The following RPS6KL1 variants were observed in gnomAD, a reference collection of about 807,000 sequenced individuals.
The protein encoded by RPS6KL1 is ribosomal protein S6 kinase-like 1.
Under a neutral mutation model 57.0 loss-of-function variants are expected in RPS6KL1, and 41 were observed. The observed-to-expected ratio is 0.72, with a 90% CI of 0.56 to 0.93. The LOEUF (loss-of-function observed/expected upper bound fraction) is 0.93. Among genes scored for constraint, RPS6KL1 ranks in the 40% least tolerant of loss-of-function variants. The probability of loss-of-function intolerance (pLI) is 0.00; values close to 1 mark genes in which losing one functional copy is unlikely to be tolerated. For synonymous variants in RPS6KL1, 287 were observed against 309.7 expected, an observed-to-expected ratio of 0.93 and a Z score of 0.77; for missense variants, 697 against 727.7, an observed-to-expected ratio of 0.96 and a Z score of 0.49.
Position 74,910,129 on chromosome 14 carries a change from G to A in RPS6KL1, c.684C>T (p.His228=), listed in dbSNP as rs756872442. 5 of 1,554,512 alleles carry A rather than the reference G, an allele frequency of 3.2e-6. No homozygotes were observed. Among genetic ancestry groups the A allele is most frequent in the African/African-American group, 1.4e-5 (1 of 73,946 alleles). ...GTCGGGAGTGCGCCTGGGAGAGCAGGTGGGACCAGAGAGTGCCTCCTGGGC... is the reference window on the plus strand; with the variant it reads ...GTCGGGAGTGCGCCTGGGAGAGCAGATGGGACCAGAGAGTGCCTCCTGGGC... ...EHVQGGTLWS[H]LLSQAHSRHS... Residue 228 remains histidine (H), a synonymous_variant, in exon 8 of 12, where the codon CAC becomes CAT. Coordinates refer to ENST00000557413, the MANE Select transcript of RPS6KL1 (RefSeq NM_031464.5).
At position 74,906,567 on chromosome 14, in the gene RPS6KL1, T is replaced by C. The variant is rs777654167; in HGVS notation, c.*447A>G. On this transcript the variant is annotated 3_prime_UTR_variant, in exon 12 of 12. Coordinates refer to ENST00000557413, the MANE Select transcript of RPS6KL1 (RefSeq NM_031464.5). ...AAGAGGACTAGCCAGGACAGTCTGG[T>C]TTGGGTCCACTGAGCCAGTGGATCA... 2.1e-5 allele frequency: 11 copies of C among 528,400 alleles called. No individual in the cohort carries two copies. Among genetic ancestry groups the C allele is most frequent in the Non-Finnish European group, 3.9e-5 (10 of 257,746 alleles). The allele number at this position is 528,400 out of a possible 1,614,324, so 32.7% of individuals were successfully genotyped here.
intron 4 of RPS6KL1, among the ~76,000 whole-genome samples, chr14:74,918,977 A>C (rs1326216350): frequency 6.6e-6 from 1 of 152,232 alleles, no homozygotes; most frequent in African/African-American, 2.4e-5. Context: ...GGAGTTTGAG[A>C]TCAGCCTGGC....
At chr14:74,908,617 G>A (rs1885324081) in intron 10 of RPS6KL1, among the ~76,000 whole-genome samples, 1 of 152,150 alleles carries the variant, frequency 6.6e-6, no homozygotes, top group East Asian at 1.9e-4. Flanking sequence ...AGGCTCTCTG[G>A]CAGAAACCTT....
In RPS6KL1 at chr14:74,906,810, C is replaced by T; in HGVS notation, c.*204G>A. ...TTAGCAGGGCAAGCCTTGACTGCCC[C>T]CACCTCCAGCTTTTCCAGGAGCTGG... On this transcript the variant is annotated 3_prime_UTR_variant, in exon 12 of 12. Coordinates refer to ENST00000557413, the MANE Select transcript of RPS6KL1 (RefSeq NM_031464.5). 1.4e-6 allele frequency: 1 copy of T among 712,596 alleles called. No individual in the cohort carries two copies. Among genetic ancestry groups the T allele is most frequent in the Non-Finnish European group, 2.6e-6 (1 of 387,016 alleles). 44.1% of individuals were successfully genotyped at this position (712,596 alleles called of 1,614,324 possible).
At chr14:74,910,870 CTTTTT>C (rs5809683) in intron 7 of RPS6KL1, 65 of 155,716 alleles carry the variant, frequency 4.2e-4, no homozygotes, top group South Asian at 1.0e-3. Flanking sequence ...CAGGGCTCAG[CTTTTT>C]TTTTTTTTTT....
In RPS6KL1 at chr14:74,910,067, A is replaced by G. The variant is rs59159618; in HGVS notation, c.746T>C (p.Met249Thr). ...GAGGTGGGGGTTGAGCTGAGCCTTC[A>G]TCCTCTCCTGGGTAGAGCCAGAGCT... Reference protein sequence around the residue: ...GLSSGSTQERMKAQLNPHLNL... With the variant: ...GLSSGSTQERTKAQLNPHLNL... Residue 249 changes from methionine (M) to threonine (T), a missense_variant, in exon 8 of 12, where the codon ATG becomes ACG. Physicochemically the swap from Met to Thr is moderately conservative, Grantham distance 81 (BLOSUM62 -1). Transcript: ENST00000557413. 2.5e-4 allele frequency: 403 copies of G among 1,610,628 alleles called. 1 individual carries two copies. In the African/African-American group the frequency reaches 4.9e-3, roughly 20 times the overall value.
chr14:74,922,279 T>G lies in RPS6KL1; in HGVS notation c.-322A>C. The G allele has an allele frequency of 1.0e-6, 1 of 986,256 alleles. No individual in the cohort carries two copies. Among genetic ancestry groups the G allele is most frequent in the Non-Finnish European group, 1.2e-6 (1 of 830,538 alleles). The allele number at this position is 986,256 out of a possible 1,614,324, so 61.1% of individuals were successfully genotyped here. A position where few individuals can be genotyped will look rare whatever the true frequency, so the allele number is the denominator to read the frequency against. ...CGCTGGGCTCAAATGCTGTTCCTCA[T>G]GCTGTTCCCTCCACCCTGCCTGTTG... On this transcript the variant is annotated 5_prime_UTR_variant, in exon 2 of 12. It removes an upstream start codon present in the reference 5' UTR. Transcript: ENST00000557413.
At chr14:74,913,221 C>T (rs1886313482) in intron 5 of RPS6KL1, among the ~76,000 whole-genome samples, 1 of 152,204 alleles carries the variant, frequency 6.6e-6, no homozygotes, top group East Asian at 1.9e-4. Flanking sequence ...TTCCAAATGC[C>T]TACCTTCCCT....
At position 74,906,613 on chromosome 14, in the gene RPS6KL1, A is replaced by G. The variant is rs1884910604; in HGVS notation, c.*401T>C. 1 of 532,114 alleles carries G rather than the reference A, an allele frequency of 1.9e-6. No homozygotes were observed. Among genetic ancestry groups the G allele is most frequent in the African/African-American group, 1.9e-5 (1 of 52,090 alleles). The allele number at this position is 532,114 out of a possible 1,614,324, so 33.0% of individuals were successfully genotyped here. ...GATCAGTGTCCTGAGATGAGTCTCC[A>G]GAGATGTCCTGAGTGGGGCACAACA... On this transcript the variant is annotated 3_prime_UTR_variant, in exon 12 of 12. Transcript: ENST00000557413.
chr14:74,921,490 G>A lies in RPS6KL1; in HGVS notation c.52C>T (p.Pro18Ser). The change falls in exon 3 of 12, where the codon CCT becomes TCT. Residue 18 changes from proline to serine, a missense_variant. Physicochemically the swap from Pro to Ser is moderately conservative, Grantham distance 74. Transcript: ENST00000557413. ...GCTTGGGACCGTGCTCGTGAGCAAG[G>A]CTCAGGCTCCAGGCCGGGGCTGGGC... ...CLPSPGLEPE[P>S]CSRARSQAHV... The A allele has an allele frequency of 6.2e-7, 1 of 1,614,100 alleles. No individual in the cohort carries two copies. The highest frequency in any genetic ancestry group is 8.5e-7 in the Non-Finnish European group (1 of 1,179,994).
chr14:74,918,797 C>T (rs1887297243), intron 4 of RPS6KL1, among the ~76,000 whole-genome samples, 192 bp from the exon 5 acceptor site: 1 of 152,234 alleles, frequency 6.6e-6, no homozygotes, highest in Non-Finnish European at 1.5e-5. Flanking sequence ...GGCACCCATA[C>T]TGGTCCAGGG....
At chr14:74,921,114 A>G (rs1887752985) in intron 3 of RPS6KL1, among the ~76,000 whole-genome samples, 163 bp downstream of exon 3, 1 of 152,252 alleles carries the variant, frequency 6.6e-6, no homozygotes, top group Non-Finnish European at 1.5e-5. Flanking sequence ...AAACTGCTTA[A>G]TAAGTGCCAG....
rs751599113 is a variant in RPS6KL1 at position 74,911,131 on chromosome 14, C to G, written c.664+117G>C. On this transcript the variant is annotated intron_variant, in intron 7 of 11. Transcript: ENST00000557413. ...AGTTGATCCGCCTGCCTCGGCCTCC[C>G]AAAGTGCTGGGATTACAGGCGTGAG... 2.9e-4 allele frequency: 300 copies of G among 1,027,558 alleles called. 1 individual carries two copies. The highest frequency in any genetic ancestry group is 4.2e-4 in the Non-Finnish European group (277 of 667,466). The allele number at this position is 1,027,558 out of a possible 1,614,324, so 63.7% of individuals were successfully genotyped here. A position where few individuals can be genotyped will look rare whatever the true frequency, so the allele number is the denominator to read the frequency against.
In RPS6KL1 at chr14:74,905,206, A is replaced by G. The variant is rs763252193; in HGVS notation, c.*1808T>C. 6.6e-6 allele frequency: 1 copy of G among 152,162 alleles called. No homozygotes were observed. Among genetic ancestry groups the G allele is most frequent in the Non-Finnish European group, 1.5e-5 (1 of 68,034 alleles). 9.4% of individuals were successfully genotyped at this position (152,162 alleles called of 1,614,324 possible). A position where few individuals can be genotyped will look rare whatever the true frequency, so the allele number is the denominator to read the frequency against. ...TCAGATGTGTAGCTTTGGGTGGATG[A>G]AGCACAGAAGTTCCAGAAGGGACTT... On this transcript the variant is annotated 3_prime_UTR_variant, in exon 12 of 12. Coordinates refer to ENST00000557413, the MANE Select transcript of RPS6KL1 (RefSeq NM_031464.5).
Position 74,904,680 on chromosome 14 carries a change from AC to A in RPS6KL1, c.*2333del, listed in dbSNP as rs1884495045. On this transcript the variant is annotated 3_prime_UTR_variant, in exon 12 of 12. Transcript: ENST00000557413. ...AGACTTGCATTTTTTGTGTGGGCTT[AC>A]ATTATTTCAGTGATGGATTTGGGAG... 1 of 152,240 alleles carries A rather than the reference AC, an allele frequency of 6.6e-6. No individual in the cohort carries two copies. Among genetic ancestry groups the A allele is most frequent in the East Asian group, 1.9e-4 (1 of 5,190 alleles). 9.4% of individuals were successfully genotyped at this position (152,240 alleles called of 1,614,324 possible). A position where few individuals can be genotyped will look rare whatever the true frequency, so the allele number is the denominator to read the frequency against.
chr14:74,914,045 C>T (rs1349645248), intron 5 of RPS6KL1, among the ~76,000 whole-genome samples: 2 of 152,364 alleles, frequency 1.3e-5, no homozygotes, highest in South Asian at 2.1e-4. Context: ...GGGGGCACAA[C>T]CAGGTGACCC....
chr14:74,914,060 A>G (rs139371634), intron 5 of RPS6KL1, among the ~76,000 whole-genome samples: 202 of 152,334 alleles, frequency 1.3e-3, no homozygotes, highest in Middle Eastern at 6.8e-3. Flanking sequence ...TGACCCTGGC[A>G]ATGGCCTTCC....
At chr14:74,908,109 T>TTTTC (rs1885229808) in intron 10 of RPS6KL1, among the ~76,000 whole-genome samples, 1 of 151,838 alleles carries the variant, frequency 6.6e-6, no homozygotes, top group Non-Finnish European at 1.5e-5. Flanking sequence ...CTGGGGGAAA[T>TTTTC]TGCAGCCAGG....
intron 6 of RPS6KL1, 70 bp downstream of exon 6, chr14:74,911,724 T>C (rs1886029960): frequency 1.4e-6 from 2 of 1,404,736 alleles, no homozygotes; most frequent in East Asian, 2.5e-5. Context: ...AGGTTCTGGG[T>C]AGGAGTTTCC....
Sources: gnomAD v4.1 joint callset for allele counts (sites outside exome capture counted in the v4.1 genomes callset) on GRCh38, gnomAD v4.1.1 for gene constraint, MANE v1.5 for transcripts, NCBI Gene and HGNC (gene_info 2026-07-23, HGNC 2026-07-21) for gene names.